Variants in FHIT observed in about 807,000 individuals in gnomAD.
FHIT encodes the protein fragile histidine triad diadenosine triphosphatase.
A neutral mutation model predicts 17.9 loss-of-function variants in FHIT; 19 were observed. The ratio of observed to expected loss-of-function variants is 1.06; its 90% CI spans 0.74 to 1.56. FHIT has a LOEUF of 1.56. Ranked by LOEUF, FHIT falls within the 40% of genes most tolerant of loss-of-function variation. The pLI, the probability that FHIT is intolerant of heterozygous loss-of-function variation, is 0.00. For synonymous variants in FHIT, 81 were observed against 69.7 expected, an observed-to-expected ratio of 1.16 and a Z score of -0.81; for missense variants, 248 against 189.2, an observed-to-expected ratio of 1.31 and a Z score of -1.82.
At chr3:61,063,421 T>A (rs992970408) in intron 2 of FHIT, among the ~76,000 whole-genome samples, 1 of 152,152 alleles carries the variant, frequency 6.6e-6, no homozygotes, top group East Asian at 1.9e-4. Context: ...TCAAAAGCCA[T>A]GCTCTTAACC....
intron 7 of FHIT, among the ~76,000 whole-genome samples, chr3:59,945,367 G>T (rs556569942): frequency 6.6e-6 from 1 of 151,858 alleles, no homozygotes; most frequent in Non-Finnish European, 1.5e-5. Context: ...TTTTAAATAG[G>T]GTTGTTTTTG....
chr3:60,536,189 A>G (rs2035974046), intron 5 of FHIT: 1 of 152,166 alleles, frequency 6.6e-6, no homozygotes, highest in African/African-American at 2.4e-5. Flanking sequence ...TCCCACTGCA[A>G]AAGAATAAAG....
rs540113654 is a variant in FHIT at position 61,105,623 on chromosome 3, A to C, written c.-163-63524T>G. Among the ~76,000 whole-genome samples, 78 of 151,302 alleles carry C rather than the reference A, an allele frequency of 5.2e-4. 2 individuals are homozygous for C. In the South Asian group the frequency reaches 0.016, roughly 30 times the overall value. ...CCCAAAGCAAAAAAGTCTGGGATCA[A>C]CTCTCCCTGAACCCCAGCTCTTCCC... On this transcript the variant is annotated intron_variant, in intron 2 of 9. Transcript: ENST00000492590.
chr3:60,200,837 T>C (rs1046862610), intron 5 of FHIT, among the ~76,000 whole-genome samples: 2 of 152,182 alleles, frequency 1.3e-5, no homozygotes, highest in Non-Finnish European at 2.9e-5. Context: ...ATCTACAATG[T>C]TGAGGCTACT....
intron 5 of FHIT, among the ~76,000 whole-genome samples, chr3:60,272,455 C>G (rs1310909651): frequency 1.3e-5 from 2 of 152,084 alleles, no homozygotes. Context: ...CAGTGTGTGT[C>G]TGGGGCTATC....
At chr3:60,334,956 C>T (rs2106871191) in intron 5 of FHIT, among the ~76,000 whole-genome samples, 1 of 152,258 alleles carries the variant, frequency 6.6e-6, no homozygotes, top group Admixed American at 6.5e-5. Context: ...TTCCTAACAA[C>T]AACTGAAAAT....
At chr3:60,006,940 T>A (rs1699948814) in intron 7 of FHIT, among the ~76,000 whole-genome samples, 1 of 152,198 alleles carries the variant, frequency 6.6e-6, no homozygotes, top group Non-Finnish European at 1.5e-5. Context: ...CTACAAATAA[T>A]TATCTTCTTC....
At chr3:60,030,839 A>G (rs949086987) in intron 5 of FHIT, among the ~76,000 whole-genome samples, 1 of 152,364 alleles carries the variant, frequency 6.6e-6, no homozygotes, top group Middle Eastern at 3.4e-3. Context: ...TGTTTCATTA[A>G]TAAATAAAAA....
intron 3 of FHIT, among the ~76,000 whole-genome samples, chr3:60,969,582 T>G (rs532907122): frequency 6.6e-6 from 1 of 152,276 alleles, no homozygotes; most frequent in South Asian, 2.1e-4. Context: ...TTGTGATTAC[T>G]TTCTTTGAAA....
At position 61,063,255 on chromosome 3, in the gene FHIT, C is replaced by CAAA. The variant is rs371077056; in HGVS notation, c.-163-21159_-163-21157dup. On this transcript the variant is annotated intron_variant, in intron 2 of 9. Coordinates refer to ENST00000492590, the MANE Select transcript of FHIT (RefSeq NM_002012.4). ...TGAGCGACAGAGCGAGACTCTGTCT[C>CAAA]AAAAAAAAAAAAGATTAGTTTTAAG... Among the ~76,000 whole-genome samples the CAAA allele has an allele frequency of 2.1e-5, 2 of 95,882 alleles. 1 individual carries two copies. The highest frequency in any genetic ancestry group is 4.3e-5 in the Non-Finnish European group (2 of 46,278). 62.9% of individuals were successfully genotyped at this position (95,882 alleles called of 152,430 possible).
At chr3:60,240,448 C>G (rs1304987475) in intron 5 of FHIT, among the ~76,000 whole-genome samples, 1 of 152,086 alleles carries the variant, frequency 6.6e-6, no homozygotes, top group Non-Finnish European at 1.5e-5. Context: ...TGCAAAGCAG[C>G]TAATGAAGAC....
At chr3:60,727,489 C>T (rs1258517651) in intron 4 of FHIT, among the ~76,000 whole-genome samples, 2 of 152,288 alleles carry the variant, frequency 1.3e-5, no homozygotes, top group Admixed American at 6.5e-5. Context: ...CACTGTGATG[C>T]TGTGGTAGAG....
chr3:60,104,927 G>T (rs1044495915), intron 5 of FHIT, among the ~76,000 whole-genome samples: 1 of 152,084 alleles, frequency 6.6e-6, no homozygotes, highest in Admixed American at 6.5e-5. Flanking sequence ...AATGATGGTT[G>T]TTTAATATCC....
At chr3:60,270,213 A>G (rs1706796596) in intron 5 of FHIT, among the ~76,000 whole-genome samples, 1 of 152,212 alleles carries the variant, frequency 6.6e-6, no homozygotes, top group Non-Finnish European at 1.5e-5. Flanking sequence ...CAGCAAACAG[A>G]GAAAAAGAAG....
chr3:59,844,027 T>C (rs557208477), intron 8 of FHIT, among the ~76,000 whole-genome samples: 83 of 152,206 alleles, frequency 5.5e-4, no homozygotes, highest in African/African-American at 1.9e-3. Context: ...TCCTTCTCTT[T>C]TGCTTCCGCT....
intron 2 of FHIT, among the ~76,000 whole-genome samples, chr3:61,184,903 T>C (rs571647042): frequency 4.9e-4 from 74 of 152,138 alleles, no homozygotes; most frequent in Non-Finnish European, 9.0e-4. Flanking sequence ...TAGGAGTGAA[T>C]CTAAGAACTC....
intron 3 of FHIT, among the ~76,000 whole-genome samples, chr3:60,979,409 C>T (rs1185666744): frequency 6.6e-5 from 10 of 152,108 alleles, no homozygotes; most frequent in Non-Finnish European, 1.3e-4. Flanking sequence ...CTGAACAAAG[C>T]GCTCAAAACT....
intron 5 of FHIT, among the ~76,000 whole-genome samples, chr3:60,222,731 AG>A: frequency 6.6e-6 from 1 of 152,232 alleles, no homozygotes; most frequent in Admixed American, 6.5e-5. Context: ...GTTTGACTAA[AG>A]GAGGACAAGA....
intron 2 of FHIT, among the ~76,000 whole-genome samples, chr3:61,067,915 G>C (rs796410992): frequency 5.9e-5 from 9 of 152,174 alleles, no homozygotes; most frequent in African/African-American, 2.2e-4. Context: ...TCTTTGTTCT[G>C]GGCAGCTATA....
Sources: allele counts gnomAD v4.1 joint callset (sites outside exome capture counted in the v4.1 genomes callset), GRCh38; gene constraint gnomAD v4.1.1; transcripts MANE v1.5; gene names NCBI Gene and HGNC (gene_info 2026-07-23, HGNC 2026-07-21).